COQ4: variants seen among roughly 807,000 people sequenced by gnomAD.
COQ4 encodes ubiquinone biosynthesis protein COQ4 homolog, mitochondrial.
A neutral mutation model predicts 30.2 loss-of-function variants in COQ4; 36 were observed. That is an observed-to-expected ratio of 1.19 (90% CI 0.91 to 1.57). The LOEUF is 1.57. COQ4 is among the 40% of genes most tolerant of loss of function. The pLI is 0.00. For missense variants in COQ4, 369 were observed against 371.9 expected, an observed-to-expected ratio of 0.99 and a Z score of 0.07; for synonymous variants, 197 against 161.0, an observed-to-expected ratio of 1.22 and a Z score of -1.69.
At chr9:128,325,671 G>A in intron 3 of COQ4, 108 bp from the exon 4 acceptor site, 1 of 830,126 alleles carries the variant, frequency 1.2e-6, no homozygotes, top group Non-Finnish European at 2.0e-6. Context: ...AAGGCTTGTG[G>A]TGGCCACATT....
chr9:128,325,955 G>C (rs1319776217), intron 4 of COQ4, 74 bp downstream of exon 4: 8 of 1,311,516 alleles, frequency 6.1e-6, no homozygotes, highest in Non-Finnish European at 8.8e-6. Flanking sequence ...GACACCCTGA[G>C]GAAAGAGGAG....
In COQ4 at chr9:128,325,145, A is replaced by G. The variant is rs146533802; in HGVS notation, c.205A>G (p.Met69Val). Residue 69 changes from methionine to valine, a missense_variant and splice_region_variant, in exon 3 of 7, where the codon ATG (methionine) becomes GTG (valine). Coordinates refer to ENST00000300452, the MANE Select transcript of COQ4 (RefSeq NM_016035.5). ...TGTGCCCGTTTCTGTCCTTTCAGACATGGTCGCAGTTCTAGGGGAGACCAC... is the reference window on the plus strand; with the variant it reads ...TGTGCCCGTTTCTGTCCTTTCAGACGTGGTCGCAGTTCTAGGGGAGACCAC... ...MALYNPYRHD[M>V]VAVLGETTGH... 9 of 1,612,454 alleles carry G rather than the reference A, an allele frequency of 5.6e-6. No homozygotes were observed. The highest frequency in any genetic ancestry group is 2.2e-5 in the East Asian group (1 of 44,872).
chr9:128,331,933 T>G (rs1242031766), intron 4 of COQ4: 1 of 462,130 alleles, frequency 2.2e-6, no homozygotes, highest in Non-Finnish European at 3.9e-6. Context: ...TTCACCGTAT[T>G]GGTCAGGCTG....
chr9:128,332,488 G>GC, intron 5 of COQ4: 1 of 618,310 alleles, frequency 1.6e-6, no homozygotes, highest in South Asian at 2.0e-5. Context: ...GAGCAGCAGA[G>GC]CCCATCTTCA....
At chr9:128,328,698 G>A (rs376939667) in intron 4 of COQ4, among the ~76,000 whole-genome samples, 19 of 152,238 alleles carry the variant, frequency 1.2e-4, no homozygotes, top group African/African-American at 4.6e-4. Context: ...CTACCTTGAC[G>A]GGGCGATCAC....
rs1315711114 is a variant in COQ4 at position 128,326,588 on chromosome 9, G to A, written c.402+707G>A. Among the ~76,000 whole-genome samples, 5 of 151,884 alleles carry A rather than the reference G, an allele frequency of 3.3e-5. 1 individual carries two copies. Among genetic ancestry groups the A allele is most frequent in the Admixed American group, 2.6e-4 (4 of 15,258 alleles). ...CTCCCGAGTAGCTGGGACTACAGGC[G>A]CCCGCCACGACGCCCGGCTAATTTT... On this transcript the variant is annotated intron_variant, in intron 4 of 6. Transcript: ENST00000300452.
chr9:128,332,376 G>T, intron 5 of COQ4, 94 bp downstream of exon 5: 3 of 1,385,722 alleles, frequency 2.2e-6, no homozygotes, highest in Non-Finnish European at 3.0e-6. Context: ...GCATCACCTG[G>T]CTTGGTGCCT....
At chr9:128,325,373 C>T in intron 3 of COQ4, 134 bp downstream of exon 3, 1 of 651,496 alleles carries the variant, frequency 1.5e-6, no homozygotes, top group Non-Finnish European at 2.7e-6. Flanking sequence ...ACAGGCTGGG[C>T]ACTGCCCAAT....
intron 2 of COQ4, 35 bp downstream of exon 2, chr9:128,323,182 G>A: frequency 2.1e-5 from 33 of 1,543,924 alleles, no homozygotes; most frequent in Non-Finnish European, 2.9e-5. Context: ...CGTGGGGGCG[G>A]CTTGGAGCCG....
chr9:128,323,215 T>G (rs1832246529), intron 2 of COQ4, 68 bp downstream of exon 2: 1 of 1,455,904 alleles, frequency 6.9e-7, no homozygotes, highest in Non-Finnish European at 9.1e-7. Context: ...AACTGGAACA[T>G]AGCCTAGGTC....
rs544254577 is a variant in COQ4 at position 128,332,106 on chromosome 9, C to T, written c.403-47C>T. 3.2e-4 allele frequency: 496 copies of T among 1,539,850 alleles called. 6 individuals are homozygous for T. The South Asian group carries it at 5.6e-3, about 17-fold the overall frequency. ...TCAGAGACAGACTGGCAAATCGGGCCCTGGGAACCATCAGGAAGGGTTCTA... is the reference window on the plus strand; with the variant it reads ...TCAGAGACAGACTGGCAAATCGGGCTCTGGGAACCATCAGGAAGGGTTCTA... On this transcript the variant is annotated intron_variant, in intron 4 of 6. Transcript: ENST00000300452.
intron 2 of COQ4, 60 bp downstream of exon 2, chr9:128,323,207 C>T (rs1218447759): frequency 6.7e-7 from 1 of 1,490,740 alleles, no homozygotes; most frequent in Non-Finnish European, 8.9e-7. Context: ...CTGTGGGTAA[C>T]TGGAACATAG....
intron 4 of COQ4, among the ~76,000 whole-genome samples, chr9:128,326,592 G>A (rs560684333): frequency 2.6e-4 from 40 of 151,164 alleles, no homozygotes; most frequent in Non-Finnish European, 5.2e-4. Flanking sequence ...ACAGGCGCCC[G>A]CCACGACGCC....
At chr9:128,325,627 T>C in intron 3 of COQ4, 152 bp from the exon 4 acceptor site, 1 of 639,002 alleles carries the variant, frequency 1.6e-6, no homozygotes, top group Admixed American at 2.8e-5. Context: ...CCTAAGTCCC[T>C]GACACTAGCC....
intron 4 of COQ4, among the ~76,000 whole-genome samples, chr9:128,328,364 C>T (rs1832354962): frequency 6.6e-6 from 1 of 152,262 alleles, no homozygotes; most frequent in East Asian, 1.9e-4. Flanking sequence ...CCCATCAAGG[C>T]ACCCCTGCCA....
intron 4 of COQ4, among the ~76,000 whole-genome samples, chr9:128,328,558 C>T (rs1832357848): frequency 6.6e-6 from 1 of 152,190 alleles, no homozygotes; most frequent in African/African-American, 2.4e-5. Context: ...GAGCACCCCC[C>T]CGTCAAGTTG....
chr9:128,333,058 C>T, intron 6 of COQ4, 115 bp downstream of exon 6: 2 of 769,662 alleles, frequency 2.6e-6, no homozygotes, highest in Non-Finnish European at 4.6e-6. Context: ...CAGCCCGTTC[C>T]AGTTCTCCAG....
chr9:128,331,948 T>C (rs1287381005), intron 4 of COQ4: 1 of 527,534 alleles, frequency 1.9e-6, no homozygotes, highest in Non-Finnish European at 3.4e-6. Context: ...AGGCTGGTGT[T>C]GAACTCCTGA....
intron 4 of COQ4, among the ~76,000 whole-genome samples, chr9:128,329,899 AGAG>A: frequency 6.6e-6 from 1 of 152,184 alleles, no homozygotes; most frequent in Middle Eastern, 3.2e-3. Context: ...TGGGCAGTTA[AGAG>A]GAGAAGAGTT....
Sources: allele counts gnomAD v4.1 joint callset (sites outside exome capture counted in the v4.1 genomes callset), GRCh38; gene constraint gnomAD v4.1.1; transcripts MANE v1.5; gene names NCBI Gene and HGNC (gene_info 2026-07-23, HGNC 2026-07-21).